Variants in CD8B2 observed in about 807,000 individuals in gnomAD.
CD8B2 encodes T-cell surface glycoprotein CD8 beta-2 chain.
A neutral mutation model predicts 23.7 loss-of-function variants in CD8B2; 11 were observed. That is an observed-to-expected ratio of 0.46 (90% CI 0.29 to 0.77). The LOEUF (loss-of-function observed/expected upper bound fraction) is 0.77, where lower values mean the gene tolerates loss of function less well. CD8B2 is among the 30% of genes least tolerant of loss of function. CD8B2 has a pLI of 0.09. For synonymous variants in CD8B2, 90 were observed against 109.3 expected, an observed-to-expected ratio of 0.82 and a Z score of 1.10; for missense variants, 197 against 270.5, an observed-to-expected ratio of 0.73 and a Z score of 1.91.
intron 5 of CD8B2, among the ~76,000 whole-genome samples, chr2:106,527,660 T>G (rs1288137931): frequency 6.6e-6 from 1 of 152,164 alleles, no homozygotes; most frequent in Non-Finnish European, 1.5e-5. Context: ...TAGCACCGCC[T>G]GTAATCTCAA....
intron 1 of CD8B2, among the ~76,000 whole-genome samples, chr2:106,490,403 T>C (rs1344389657): frequency 1.3e-5 from 2 of 152,128 alleles, no homozygotes; most frequent in Non-Finnish European, 2.9e-5. Context: ...GGTACATGCC[T>C]ATAGTCTCAG....
At chr2:106,533,198 T>TC (rs758161675) in intron 5 of CD8B2, among the ~76,000 whole-genome samples, 133 of 152,286 alleles carry the variant, frequency 8.7e-4, no homozygotes, top group Admixed American at 1.4e-3. Flanking sequence ...GAGGGCAGAA[T>TC]CCGGGGGCAC....
intron 5 of CD8B2, chr2:106,522,202 T>C (rs1024251024): frequency 6.6e-6 from 1 of 152,184 alleles, no homozygotes; most frequent in East Asian, 1.9e-4. Flanking sequence ...TGCCATTACA[T>C]AATTAAATTT....
rs1679466549 is a variant in CD8B2, at chr2:106,504,400, G to A, written c.620+75G>A. 7 of 1,551,002 alleles carry A rather than the reference G, an allele frequency of 4.5e-6. No individual in the cohort carries two copies. In the South Asian group the frequency reaches 6.0e-5, roughly 13 times the overall value. On this transcript the variant is annotated intron_variant, in intron 5 of 5. Transcript: ENST00000643224. ...GCTTGCAGCCTCTAACTGCGGCGAG[G>A]AGCCAAAGTCAGACCTCATCTTCCA...
At chr2:106,515,198 G>A (rs887826420), downstream of CD8B2, among the ~76,000 whole-genome samples, 1 of 152,208 alleles carries the variant, frequency 6.6e-6, no homozygotes, top group Non-Finnish European at 1.5e-5. Flanking sequence ...ACCCAAGATG[G>A]GACAGATGAG....
chr2:106,511,361 T>C (rs80149174), downstream of CD8B2, among the ~76,000 whole-genome samples: 4,346 of 152,238 alleles, frequency 0.029, 73 homozygotes, highest in Non-Finnish European at 0.03. Flanking sequence ...TTCTCTGCTC[T>C]GAAGGAGAAC....
downstream of CD8B2, among the ~76,000 whole-genome samples, chr2:106,514,729 A>G (rs1679700272): frequency 7.2e-6 from 1 of 138,326 alleles, no homozygotes; most frequent in Admixed American, 7.6e-5. Flanking sequence ...ACTGCTTTTA[A>G]TATCCAAGCT....
chr2:106,496,292 A>G, intron 3 of CD8B2, 30 bp downstream of exon 3: 2 of 1,472,814 alleles, frequency 1.4e-6, no homozygotes, highest in East Asian at 5.0e-5. Context: ...GCACCCTCAG[A>G]AACAAGGCAG....
At position 106,542,154 on chromosome 2, in the gene CD8B2, A is replaced by C. The variant is rs150653582; in HGVS notation, c.621-1838A>C. 2.7e-3 allele frequency among the ~76,000 whole-genome samples: 413 copies of C among 152,332 alleles called. 1 individual carries two copies. In the Middle Eastern group the frequency reaches 0.031, roughly 11 times the overall value. ...ACCTTCAGCCTCCCCTCCTCTGTAG[A>C]TCCTCAGGGACTTCAGCCCTTGTAG... On this transcript the variant is annotated intron_variant, in intron 5 of 5. Transcript: ENST00000416057.
At chr2:106,488,652 G>T (rs932487658) in intron 1 of CD8B2, among the ~76,000 whole-genome samples, 2 of 152,172 alleles carry the variant, frequency 1.3e-5, no homozygotes, top group African/African-American at 4.8e-5. Context: ...TCAGGTTCTG[G>T]GGTCCCACAA....
Position 106,499,211 on chromosome 2 carries a change from C to A in CD8B2, c.493+2949C>A, listed in dbSNP as rs1317883460. 3.9e-5 allele frequency among the ~76,000 whole-genome samples: 6 copies of A among 152,212 alleles called. No individual in the cohort carries two copies. In the South Asian group the frequency reaches 1.2e-3, roughly 32 times the overall value. On this transcript the variant is annotated intron_variant, in intron 3 of 5. Coordinates refer to ENST00000643224, the MANE Select transcript of CD8B2 (RefSeq NM_001349727.2). ...CCTGCCGCCCTGTACATCCCTGCGACCTGCACCCACCTCCATTACAGTTTT... is the reference window on the plus strand; with the variant it reads ...CCTGCCGCCCTGTACATCCCTGCGAACTGCACCCACCTCCATTACAGTTTT...
intron 5 of CD8B2, among the ~76,000 whole-genome samples, chr2:106,530,158 C>CATTT (rs1248280409): frequency 6.6e-6 from 1 of 152,166 alleles, no homozygotes; most frequent in East Asian, 1.9e-4. Context: ...ATAAAGTGCA[C>CATTT]ATTTCAGTAT....
chr2:106,498,521 T>C (rs945002273), intron 3 of CD8B2, among the ~76,000 whole-genome samples: 4 of 152,208 alleles, frequency 2.6e-5, no homozygotes, highest in Non-Finnish European at 5.9e-5. Context: ...AATAGGTTGT[T>C]AAGAATAACC....
At position 106,491,230 on chromosome 2, in the gene CD8B2, G is replaced by T. The variant is rs1332261540; in HGVS notation, c.400G>T (p.Val134Leu). 16 of 1,515,018 alleles carry T rather than the reference G, an allele frequency of 1.1e-5. No homozygotes were observed. The highest frequency in any genetic ancestry group is 1.5e-5 in the Non-Finnish European group (16 of 1,102,570). The allele number at this position is 1,515,018 out of a possible 1,614,324, so 93.8% of individuals were successfully genotyped here. Reference protein sequence around the residue: ...LTFGKGTQLSVVDFLPTTAQP... With the variant: ...LTFGKGTQLSLVDFLPTTAQP... ...CTTCGGGAAGGGAACTCAGCTGAGT[G>T]TGGGTAAAAAGCAGGCTCAATGCTA... The change falls in exon 2 of 6, where the codon GTG becomes TTG. Residue 134 changes from valine (V) to leucine (L), a missense_variant. By Grantham distance (32) the Val-to-Leu change is conservative. This residue lies in a region of CD8B2 where 35 missense variants were observed against 82.9 expected (regional missense o/e 0.42). Transcript: ENST00000643224.
At chr2:106,523,558 G>A (rs1256617604) in intron 5 of CD8B2, among the ~76,000 whole-genome samples, 2 of 152,062 alleles carry the variant, frequency 1.3e-5, no homozygotes, top group East Asian at 3.9e-4. Flanking sequence ...CCTGTGTGAT[G>A]CACTGGGGGG....
chr2:106,509,966 A>C lies in CD8B2; in HGVS notation c.*3026A>C, dbSNP rs1679591900. On this transcript the variant is annotated 3_prime_UTR_variant, in exon 6 of 6. Transcript: ENST00000643224. ...GTCCATCAAAAGGGACTGGTCAGAT[A>C]AATTCAGACACAGTCTAATAAGGGG... 1 of 152,242 alleles carries C rather than the reference A, an allele frequency of 6.6e-6. No individual in the cohort carries two copies. Among genetic ancestry groups the C allele is most frequent in the South Asian group, 2.1e-4 (1 of 4,830 alleles). 9.4% of individuals were successfully genotyped at this position (152,242 alleles called of 1,614,324 possible).
chr2:106,506,803 A>T (rs529231206), intron 5 of CD8B2, 125 bp from the exon 6 acceptor site: 1 of 1,338,120 alleles, frequency 7.5e-7, no homozygotes, highest in South Asian at 1.5e-5. Context: ...ACTAACAAAA[A>T]ACTCTCGGCC....
chr2:106,530,191 G>C (rs1679971615), intron 5 of CD8B2, among the ~76,000 whole-genome samples: 1 of 152,220 alleles, frequency 6.6e-6, no homozygotes, highest in Non-Finnish European at 1.5e-5. Context: ...GCACTCCTGT[G>C]AAGGACGGAT....
chr2:106,524,208 G>A (rs1679874916), intron 5 of CD8B2, among the ~76,000 whole-genome samples: 1 of 152,174 alleles, frequency 6.6e-6, no homozygotes, highest in African/African-American at 2.4e-5. Flanking sequence ...GGTTATTGTA[G>A]ATAAGGGGCT....
Sources: allele counts gnomAD v4.1 joint callset (sites outside exome capture counted in the v4.1 genomes callset), GRCh38; gene constraint gnomAD v4.1.1; regional missense constraint gnomAD v4.1.1; transcripts MANE v1.5; gene names NCBI Gene and HGNC (gene_info 2026-07-23, HGNC 2026-07-21).